EYS: variants seen among roughly 807,000 people sequenced by gnomAD.
EYS encodes protein eyes shut homolog.
EYS carries 250 observed loss-of-function variants against 282.1 expected under a neutral mutation model. That is an observed-to-expected ratio of 0.89 (90% CI 0.80 to 0.98). The LOEUF is 0.98. Among genes scored for constraint, EYS ranks in the 50% least tolerant of loss-of-function variants. The pLI, the probability that EYS is intolerant of heterozygous loss-of-function variation, is 0.00. For synonymous variants in EYS, 1,355 were observed against 1,282.9 expected (o/e 1.06, Z -1.20); for missense variants, 4,016 against 3,709.0 (o/e 1.08, Z -2.15).
intron 2 of EYS, among the ~76,000 whole-genome samples, chr6:65,581,845 C>G (rs1362995716): frequency 6.6e-6 from 1 of 151,876 alleles, no homozygotes; most frequent in East Asian, 1.9e-4. Flanking sequence ...ACATCCAAGT[C>G]TTTAGTGCAC....
chr6:63,734,458 A>G (rs1240317460), intron 41 of EYS, among the ~76,000 whole-genome samples: 1 of 152,152 alleles, frequency 6.6e-6, no homozygotes, highest in Non-Finnish European at 1.5e-5. Context: ...TGGTTGCTGC[A>G]CTGAGAATAC....
At chr6:64,461,905 G>A (rs1301464506) in intron 26 of EYS, among the ~76,000 whole-genome samples, 1 of 151,974 alleles carries the variant, frequency 6.6e-6, no homozygotes, top group Non-Finnish European at 1.5e-5. Flanking sequence ...AAATAATTTG[G>A]AACTCATACT....
At chr6:64,830,700 G>A (rs1427293479) in intron 19 of EYS, among the ~76,000 whole-genome samples, 1 of 151,942 alleles carries the variant, frequency 6.6e-6, no homozygotes, top group African/African-American at 2.4e-5. Flanking sequence ...CCCAGGAAGA[G>A]ACAAATTATA....
At chr6:63,839,233 C>A (rs1187599572) in intron 36 of EYS, among the ~76,000 whole-genome samples, 3 of 152,140 alleles carry the variant, frequency 2.0e-5, no homozygotes, top group Non-Finnish European at 4.4e-5. Flanking sequence ...ACCTTTTCAG[C>A]CTTTAGTAAT....
At chr6:65,139,494 T>G (rs1343298225) in intron 12 of EYS, among the ~76,000 whole-genome samples, 1 of 152,038 alleles carries the variant, frequency 6.6e-6, no homozygotes, top group Admixed American at 6.6e-5. Context: ...GTATGCTTAT[T>G]ACCTGGGTGA....
intron 22 of EYS, among the ~76,000 whole-genome samples, chr6:64,658,771 G>A (rs943148234): frequency 4.6e-5 from 7 of 152,150 alleles, no homozygotes; most frequent in Middle Eastern, 3.2e-3. Context: ...CCTACTGGGG[G>A]GTGCCTCCCA....
intron 14 of EYS, among the ~76,000 whole-genome samples, chr6:64,969,932 T>C (rs1015617662): frequency 1.3e-5 from 2 of 152,180 alleles, no homozygotes; most frequent in African/African-American, 4.8e-5. Flanking sequence ...AAAATTGCTT[T>C]AGATTGTCAT....
At chr6:64,824,942 C>A (rs1765008720) in intron 19 of EYS, among the ~76,000 whole-genome samples, 1 of 151,858 alleles carries the variant, frequency 6.6e-6, no homozygotes. Context: ...CCAATGTGAG[C>A]ATTTTGGTCT....
At chr6:63,851,981 C>G (rs1772265002) in intron 36 of EYS, among the ~76,000 whole-genome samples, 1 of 151,672 alleles carries the variant, frequency 6.6e-6, no homozygotes, top group African/African-American at 2.4e-5. Flanking sequence ...AACGGTGAAA[C>G]CCCGTCTCTA....
chr6:64,677,186 C>T (rs1220862429), intron 22 of EYS, among the ~76,000 whole-genome samples: 3 of 152,118 alleles, frequency 2.0e-5, no homozygotes, highest in Admixed American at 6.5e-5. Context: ...TTATCACAAT[C>T]TCCCCAACTG....
intron 12 of EYS, among the ~76,000 whole-genome samples, chr6:65,135,054 G>C (rs1364410349): frequency 6.6e-6 from 1 of 152,022 alleles, no homozygotes; most frequent in Non-Finnish European, 1.5e-5. Flanking sequence ...AGTGGCTATA[G>C]AGGTTGAATG....
chr6:64,440,856 A>C (rs1424859993), intron 26 of EYS, among the ~76,000 whole-genome samples: 2 of 152,178 alleles, frequency 1.3e-5, no homozygotes, highest in Non-Finnish European at 2.9e-5. Flanking sequence ...CAAAAAGTTC[A>C]CATAAAATAT....
intron 1 of EYS, among the ~76,000 whole-genome samples, chr6:65,694,330 G>A (rs1769358081): frequency 6.7e-6 from 1 of 148,566 alleles, no homozygotes; most frequent in Non-Finnish European, 1.5e-5. Context: ...AAACTAGTAT[G>A]TAAATATTTT....
chr6:64,449,948 C>A (rs1327413255), intron 26 of EYS, among the ~76,000 whole-genome samples: 1 of 152,082 alleles, frequency 6.6e-6, no homozygotes, highest in Non-Finnish European at 1.5e-5. Context: ...ACTGCACCAA[C>A]TAACGAGCAA....
chr6:64,379,198 T>G (rs1406203955), intron 29 of EYS, among the ~76,000 whole-genome samples: 1 of 152,184 alleles, frequency 6.6e-6, no homozygotes, highest in Non-Finnish European at 1.5e-5. Flanking sequence ...TTAGCTAAAT[T>G]AGCCTTAAGT....
chr6:64,264,739 A>T (rs1326282226), intron 30 of EYS, among the ~76,000 whole-genome samples: 1 of 152,002 alleles, frequency 6.6e-6, no homozygotes, highest in African/African-American at 2.4e-5. Flanking sequence ...GTGAAACCCC[A>T]TCTCTACTAA....
intron 1 of EYS, among the ~76,000 whole-genome samples, chr6:65,683,829 T>C (rs1194493310): frequency 1.3e-5 from 2 of 151,998 alleles, no homozygotes; most frequent in East Asian, 1.9e-4. Flanking sequence ...TTTCCAACAG[T>C]ATCTGAATGT....
In EYS at chr6:65,447,372, A is replaced by G. The variant is rs1768712012; in HGVS notation, c.863-42005T>C. On this transcript the variant is annotated intron_variant, in intron 5 of 42. Coordinates refer to ENST00000503581, the MANE Select transcript of EYS (RefSeq NM_001142800.2). ...AATATATGTATATAGTTATATATAT[A>G]AATATATGTATATAATTATATATAT... 1.4e-5 allele frequency among the ~76,000 whole-genome samples: 2 copies of G among 146,982 alleles called. 1 individual carries two copies. Among genetic ancestry groups the G allele is most frequent in the South Asian group, 4.2e-4 (2 of 4,780 alleles).
chr6:65,279,181 T>C (rs1354275111), intron 12 of EYS, among the ~76,000 whole-genome samples: 2 of 151,062 alleles, frequency 1.3e-5, no homozygotes, highest in African/African-American at 4.9e-5. Flanking sequence ...AGAGTGAGGC[T>C]CTGGCTCTAT....
Sources: allele counts gnomAD v4.1 joint callset (sites outside exome capture counted in the v4.1 genomes callset), GRCh38; gene constraint gnomAD v4.1.1; transcripts MANE v1.5; gene names NCBI Gene and HGNC (gene_info 2026-07-23, HGNC 2026-07-21).